Variants in QTMAN observed in about 807,000 individuals in gnomAD.
QTMAN encodes the protein tRNA-queuosine alpha-mannosyltransferase.
chr2:144,127,683 T>G, the QTMAN span, among the ~76,000 whole-genome samples: 2 of 151,986 alleles, frequency 1.3e-5, no homozygotes, highest in African/African-American at 2.4e-5. Flanking sequence ...CAGAGAGATG[T>G]GCAGGGAATA....
chr2:144,321,494 ATAGT>A, the QTMAN span, among the ~76,000 whole-genome samples: 1 of 152,250 alleles, frequency 6.6e-6, no homozygotes, highest in Admixed American at 6.5e-5. Flanking sequence ...ATTGTTGCAG[ATAGT>A]TAATTCACAA....
the QTMAN span, among the ~76,000 whole-genome samples, chr2:143,950,547 C>A: frequency 6.6e-5 from 10 of 151,484 alleles, no homozygotes; most frequent in African/African-American, 2.4e-4. Flanking sequence ...AACACATTTA[C>A]AAATACTTTA....
At chr2:144,122,670 G>A in the QTMAN span, among the ~76,000 whole-genome samples, 10 of 152,072 alleles carry the variant, frequency 6.6e-5, no homozygotes, top group African/African-American at 2.2e-4. Context: ...GAAAATTTTC[G>A]TTCATCTTCT....
At chr2:144,091,570 T>A in the QTMAN span, among the ~76,000 whole-genome samples, 1 of 152,208 alleles carries the variant, frequency 6.6e-6, no homozygotes, top group East Asian at 1.9e-4. Context: ...AGAACTCTCA[T>A]GTACTGCAGG....
At chr2:144,138,583 T>C in the QTMAN span, among the ~76,000 whole-genome samples, 1 of 151,884 alleles carries the variant, frequency 6.6e-6, no homozygotes, top group East Asian at 1.9e-4. Context: ...GATGGATGAG[T>C]TCTGGAAAAG....
chr2:144,016,623 C>T, the QTMAN span, among the ~76,000 whole-genome samples: 5 of 152,086 alleles, frequency 3.3e-5, no homozygotes, highest in Admixed American at 3.3e-4. Context: ...GTGTTCTATT[C>T]CAAGATATTT....
chr2:144,158,776 T>C, the QTMAN span, among the ~76,000 whole-genome samples: 1 of 152,222 alleles, frequency 6.6e-6, no homozygotes, highest in East Asian at 1.9e-4. Context: ...TCAGCAACTA[T>C]AACTGTGTCC....
At chr2:144,038,901 T>C in the QTMAN span, among the ~76,000 whole-genome samples, 1 of 152,218 alleles carries the variant, frequency 6.6e-6, no homozygotes, top group Non-Finnish European at 1.5e-5. Flanking sequence ...TGTTTTTTCC[T>C]ACTTTCTGTC....
chr2:144,317,989 T>C, the QTMAN span, among the ~76,000 whole-genome samples: 1 of 152,210 alleles, frequency 6.6e-6, no homozygotes, highest in Non-Finnish European at 1.5e-5. Context: ...TATTATATTT[T>C]GAAAATGGTT....
the QTMAN span, among the ~76,000 whole-genome samples, chr2:144,086,394 G>A: frequency 6.6e-6 from 1 of 152,102 alleles, no homozygotes; most frequent in Non-Finnish European, 1.5e-5. Flanking sequence ...TAATCTTCCC[G>A]CCTTGGCAAG....
the QTMAN span, among the ~76,000 whole-genome samples, chr2:144,134,237 G>A: frequency 2.6e-3 from 401 of 152,102 alleles, 3 homozygotes; most frequent in Middle Eastern, 6.8e-3. Context: ...TAGGCGCCTC[G>A]CCTTTGTTTG....
At chr2:144,141,547 A>G in the QTMAN span, among the ~76,000 whole-genome samples, 1 of 150,990 alleles carries the variant, frequency 6.6e-6, no homozygotes, top group Non-Finnish European at 1.5e-5. Context: ...CATAAGCTGA[A>G]TGCAAAGGTT....
the QTMAN span, among the ~76,000 whole-genome samples, chr2:144,101,166 C>T: frequency 6.6e-6 from 1 of 152,202 alleles, no homozygotes. Flanking sequence ...CCGTGCCCGG[C>T]CCATTTAGTC....
the QTMAN span, among the ~76,000 whole-genome samples, chr2:144,193,368 C>A: frequency 0.014 from 2,085 of 149,078 alleles, 43 homozygotes; most frequent in African/African-American, 0.047. Context: ...TAAAATGACC[C>A]CTATTTTAAT....
chr2:144,177,939 C>T, the QTMAN span, among the ~76,000 whole-genome samples: 1 of 152,014 alleles, frequency 6.6e-6, no homozygotes, highest in African/African-American at 2.4e-5. Context: ...ATATATTTTA[C>T]AATTATAATA....
chr2:144,177,790 A>C, the QTMAN span, among the ~76,000 whole-genome samples: 1 of 152,226 alleles, frequency 6.6e-6, no homozygotes, highest in African/African-American at 2.4e-5. Context: ...TGCAATTTTC[A>C]ATTTTCTGGT....
the QTMAN span, among the ~76,000 whole-genome samples, chr2:144,195,851 T>C: frequency 6.6e-6 from 1 of 152,050 alleles, no homozygotes; most frequent in Non-Finnish European, 1.5e-5. Flanking sequence ...AATAATAATA[T>C]TGCTACTAAA....
chr2:144,184,050 G>C, the QTMAN span, among the ~76,000 whole-genome samples: 2 of 152,210 alleles, frequency 1.3e-5, no homozygotes, highest in East Asian at 3.9e-4. Flanking sequence ...TTAAAGACCA[G>C]ATGAGCAAAA....
At chr2:143,938,215 A>G in the QTMAN span, 4 of 152,212 alleles carry the variant, frequency 2.6e-5, no homozygotes, top group Non-Finnish European at 5.9e-5. Context: ...TCTGCGGCTC[A>G]AATGGAAAAA....
Sources: gnomAD v4.1 joint callset for allele counts (sites outside exome capture counted in the v4.1 genomes callset) on GRCh38, gnomAD v4.1.1 for gene constraint, MANE v1.5 for transcripts, NCBI Gene and HGNC (gene_info 2026-07-23, HGNC 2026-07-21) for gene names.